Variants in PIK3R6 observed in about 807,000 individuals in gnomAD.
The protein encoded by PIK3R6 is phosphoinositide-3-kinase regulatory subunit 6.
Under a neutral mutation model 84.9 loss-of-function variants are expected in PIK3R6, and 91 were observed. The ratio of observed to expected loss-of-function variants is 1.07; its 90% CI spans 0.90 to 1.28. PIK3R6 has a LOEUF of 1.28. PIK3R6 is among the 50% of genes most tolerant of loss of function. PIK3R6 has a pLI of 0.00. For synonymous variants in PIK3R6, 416 were observed against 411.4 expected, an observed-to-expected ratio of 1.01 and a Z score of -0.13; for missense variants, 996 against 985.1, an observed-to-expected ratio of 1.01 and a Z score of -0.15.
rs2087104953 is a variant in PIK3R6 at position 8,803,520 on chromosome 17, T to C, written c.2109-91A>G. ...AAGGCAGAGCTGTTATTGTAGGGCCTAGAGCTGTTATTGTAGGGCATAGAG... is the reference window on the plus strand; with the variant it reads ...AAGGCAGAGCTGTTATTGTAGGGCCCAGAGCTGTTATTGTAGGGCATAGAG... On this transcript the variant is annotated intron_variant, in intron 19 of 19. Transcript: ENST00000619866. The surrounding 1 kb of genome is among the most constrained non-coding windows in gnomAD (Gnocchi z 5.0). 7.7e-7 allele frequency: 1 copy of C among 1,298,156 alleles called. No individual in the cohort carries two copies. Among genetic ancestry groups the C allele is most frequent in the African/African-American group, 1.5e-5 (1 of 64,580 alleles). The allele number at this position is 1,298,156 out of a possible 1,614,324, so 80.4% of individuals were successfully genotyped here.
At chr17:8,813,890 A>G (rs1325521543) in intron 18 of PIK3R6, among the ~76,000 whole-genome samples, 1 of 152,196 alleles carries the variant, frequency 6.6e-6, no homozygotes, top group Non-Finnish European at 1.5e-5. Context: ...TCAACATAAC[A>G]GAAGTCCTAG....
At chr17:8,829,631 C>A in intron 10 of PIK3R6, 75 bp downstream of exon 10, 1 of 1,410,278 alleles carries the variant, frequency 7.1e-7, no homozygotes, top group Non-Finnish European at 9.8e-7. Context: ...TGCACACTGA[C>A]ACACACTCAT....
At chr17:8,866,432 C>T (rs2089414234) in intron 1 of PIK3R6, among the ~76,000 whole-genome samples, 1 of 152,122 alleles carries the variant, frequency 6.6e-6, no homozygotes, top group Non-Finnish European at 1.5e-5. Context: ...GTCCCAGCTA[C>T]TTGGGAGGCT....
chr17:8,851,907 G>T (rs533711094), intron 1 of PIK3R6, among the ~76,000 whole-genome samples: 48 of 152,152 alleles, frequency 3.2e-4, no homozygotes, highest in Non-Finnish European at 6.0e-4. Context: ...AACAAAATAT[G>T]ATTTATACAT....
intron 13 of PIK3R6, 102 bp downstream of exon 13, chr17:8,827,070 C>T: frequency 1.5e-6 from 2 of 1,368,526 alleles, no homozygotes; most frequent in Non-Finnish European, 2.0e-6. Flanking sequence ...CCTCTCACCC[C>T]CATTTCACCC....
chr17:8,822,758 C>T, intron 15 of PIK3R6, 101 bp from the exon 16 acceptor site: 1 of 1,227,914 alleles, frequency 8.1e-7, no homozygotes, highest in Non-Finnish European at 1.2e-6. Context: ...TGGGTTTACC[C>T]ATCCATCCAT....
At chr17:8,824,190 A>G (rs1365296534) in intron 13 of PIK3R6, among the ~76,000 whole-genome samples, 2 of 152,236 alleles carry the variant, frequency 1.3e-5, no homozygotes, top group Non-Finnish European at 2.9e-5. Flanking sequence ...AATCGTTTGA[A>G]TCCAGGAGGC....
rs1407927930 is a variant in PIK3R6, at chr17:8,837,794, C to T, written c.258+9G>A. The T allele has an allele frequency of 6.2e-6, 10 of 1,612,094 alleles. No homozygotes were observed. Among genetic ancestry groups the T allele is most frequent in the Non-Finnish European group, 6.8e-6 (8 of 1,178,582 alleles). On this transcript the variant is annotated intron_variant, in intron 5 of 19. Transcript: ENST00000619866. The stretch of plus-strand genomic sequence containing the variant: ...ACCACTACCACCTCGACCTCAGTCC[C>T]CAGCTCACCTTGGTGAGCACGTACA...
chr17:8,830,939 C>T (rs60705477), intron 9 of PIK3R6, among the ~76,000 whole-genome samples: 5,009 of 150,340 alleles, frequency 0.033, 368 homozygotes, highest in East Asian at 0.31. Flanking sequence ...GTCAGGAGAT[C>T]GCAACCATCC....
Position 8,829,008 on chromosome 17 carries a change from G to A in PIK3R6, c.890-18C>T. 2 of 1,493,160 alleles carry A rather than the reference G, an allele frequency of 1.3e-6. No homozygotes were observed. The highest frequency in any genetic ancestry group is 1.8e-6 in the Non-Finnish European group (2 of 1,122,204). The allele number at this position is 1,493,160 out of a possible 1,614,324, so 92.5% of individuals were successfully genotyped here. ...TTCCTTCCCTGGGGTGGGGGAACAA[G>A]GGCGGTGAGGACACGTGAGGCTGGC... On this transcript the variant is annotated intron_variant, in intron 10 of 19. Coordinates refer to ENST00000619866, the MANE Select transcript of PIK3R6 (RefSeq NM_001010855.4).
intron 1 of PIK3R6, among the ~76,000 whole-genome samples, chr17:8,856,339 C>A (rs1054499458): frequency 6.6e-6 from 1 of 152,326 alleles, no homozygotes; most frequent in African/African-American, 2.4e-5. Context: ...TGGTGGCTCA[C>A]GCCTATAATC....
Position 8,833,014 on chromosome 17 carries a change from A to T in PIK3R6, c.677T>A (p.Phe226Tyr). 1 of 1,609,008 alleles carries T rather than the reference A, an allele frequency of 6.2e-7. No individual in the cohort carries two copies. The highest frequency in any genetic ancestry group is 1.1e-5 in the South Asian group (1 of 90,882). ...CTCCAAGGCGGCCACCACGGCGTGGAAATAGTGCTCCAGGGTGCGGCGAGG... is the reference window on the plus strand; with the variant it reads ...CTCCAAGGCGGCCACCACGGCGTGGTAATAGTGCTCCAGGGTGCGGCGAGG... ...ASPRRTLEHY[F>Y]HAVVAALEQM... is the part of the protein sequence containing the mutation. Residue 226 changes from phenylalanine (F) to tyrosine (Y), a missense_variant, in exon 9 of 20, where the codon TTC becomes TAC. Coordinates refer to ENST00000619866, the MANE Select transcript of PIK3R6 (RefSeq NM_001010855.4).
chr17:8,833,033 G>A lies in PIK3R6; in HGVS notation c.658C>T (p.Arg220Cys), dbSNP rs755672446. 6.3e-6 allele frequency: 10 copies of A among 1,593,386 alleles called. No homozygotes were observed. Among genetic ancestry groups the A allele is most frequent in the African/African-American group, 1.3e-5 (1 of 74,718 alleles). The change falls in exon 9 of 20, where the codon CGC (arginine) becomes TGC (cysteine). Residue 220 changes from arginine (R) to cysteine (C), a missense_variant. Arg to Cys is a radical substitution (Grantham distance 180, BLOSUM62 -3). Transcript: ENST00000619866. ...GCGTGGAAATAGTGCTCCAGGGTGC[G>A]GCGAGGGCTGGCCTGTTGGGGAGGG... is the stretch of plus-strand genomic sequence containing the variant. ...LHRKLQASPR[R>C]TLEHYFHAVV...
rs1040864732 is a variant in PIK3R6 at position 8,844,323 on chromosome 17, A to G, written c.14-4626T>C. Among the ~76,000 whole-genome samples, 1 of 152,240 alleles carries G rather than the reference A, an allele frequency of 6.6e-6. No individual in the cohort carries two copies. ...ACTTTATAAACCCTGAGCTTCTCAC[A>G]AACTCCCACGTAGGGGGAAGCACTC... On this transcript the variant is annotated intron_variant, in intron 2 of 19. Coordinates refer to ENST00000619866, the MANE Select transcript of PIK3R6 (RefSeq NM_001010855.4). The surrounding 1 kb of genome is among the most constrained non-coding windows in gnomAD (Gnocchi z 4.5).
chr17:8,832,301 G>T lies in PIK3R6; in HGVS notation c.802+588C>A, dbSNP rs148877513. Among the ~76,000 whole-genome samples, 409 of 150,770 alleles carry T rather than the reference G, an allele frequency of 2.7e-3. 2 individuals carry two copies. The highest frequency in any genetic ancestry group is 9.5e-3 in the African/African-American group (388 of 41,030). On this transcript the variant is annotated intron_variant, in intron 9 of 19. Transcript: ENST00000619866. The stretch of plus-strand genomic sequence containing the variant: ...CAATATATTTAAATATATGTAAGGT[G>T]ATTAGAACAGCAACTGGAGTATAGT...
chr17:8,837,337 C>T (rs1032151223), intron 5 of PIK3R6, among the ~76,000 whole-genome samples: 1 of 152,004 alleles, frequency 6.6e-6, no homozygotes, highest in African/African-American at 2.4e-5. Context: ...CGGGAGGCCC[C>T]CCTCTCCCTC....
chr17:8,818,201 G>C (rs115107688), intron 18 of PIK3R6, among the ~76,000 whole-genome samples: 1 of 152,170 alleles, frequency 6.6e-6, no homozygotes, highest in African/African-American at 2.4e-5. Context: ...GACCTAAATC[G>C]GTGCGTAAGC....
chr17:8,867,672 T>C lies in PIK3R6; in HGVS notation c.-235A>G. 2.3e-6 allele frequency: 1 copy of C among 427,874 alleles called. No homozygotes were observed. The highest frequency in any genetic ancestry group is 2.4e-5 in the Admixed American group (1 of 41,068). 26.5% of individuals were successfully genotyped at this position (427,874 alleles called of 1,614,324 possible). On this transcript the variant is annotated 5_prime_UTR_variant, in exon 1 of 20. Coordinates refer to ENST00000619866, the MANE Select transcript of PIK3R6 (RefSeq NM_001010855.4). The stretch of plus-strand genomic sequence containing the variant: ...TGGTCTTGACTGTGCTCTTCAGATC[T>C]GCAAAGAAAAGCTCGATGTCTCACA...
At chr17:8,849,330 A>G (rs1326339873) in intron 2 of PIK3R6, among the ~76,000 whole-genome samples, 3 of 152,220 alleles carry the variant, frequency 2.0e-5, no homozygotes, top group African/African-American at 7.2e-5. Context: ...TGACCACTCA[A>G]TAGCTATGTG....
Sources: gnomAD v4.1 joint callset for allele counts (sites outside exome capture counted in the v4.1 genomes callset) on GRCh38, gnomAD v4.1.1 for gene constraint, Gnocchi (gnomAD v3.1) non-coding constraint, MANE v1.5 for transcripts, NCBI Gene and HGNC (gene_info 2026-07-23, HGNC 2026-07-21) for gene names.